B4GALNT2: variants seen among roughly 807,000 people sequenced by gnomAD.
The protein encoded by B4GALNT2 is beta-1,4-N-acetyl-galactosaminyltransferase 2 (SID blood group).
Under a neutral mutation model 51.1 loss-of-function variants are expected in B4GALNT2, and 42 were observed. That is an observed-to-expected ratio of 0.82 (90% CI 0.64 to 1.06). The LOEUF (loss-of-function observed/expected upper bound fraction) is 1.06. Among genes scored for constraint, B4GALNT2 ranks in the 50% least tolerant of loss-of-function variants. The pLI is 0.00. For missense variants in B4GALNT2, 602 were observed against 633.6 expected, an observed-to-expected ratio of 0.95 and a Z score of 0.54; for synonymous variants, 253 against 251.7, an observed-to-expected ratio of 1.01 and a Z score of -0.05.
chr17:49,125,771 T>A, the B4GALNT2 span, among the ~76,000 whole-genome samples: 4 of 70,196 alleles, frequency 5.7e-5, no homozygotes, highest in African/African-American at 1.0e-4. Context: ...CCCCCGCCCG[T>A]CCGGCCGCCC....
chr17:49,169,653 G>A lies in B4GALNT2; in HGVS notation c.1446G>A (p.Arg482=), dbSNP rs1017795275. 6.2e-7 allele frequency: 1 copy of A among 1,611,244 alleles called. No homozygotes were observed. Among genetic ancestry groups the A allele is most frequent in the South Asian group, 1.1e-5 (1 of 90,842 alleles). The change falls in exon 11 of 11, where the codon CGG becomes CGA. Residue 482 remains arginine, a synonymous_variant. Transcript: ENST00000393354. The part of the protein sequence containing the change: ...AALEKTYNTY[R]SNTLTRVQFK... Reference sequence around the variant, plus strand: ...TAGAGAAGACCTACAATACATACCGGTCCAACACCCTCACCCGGGTCCAGT... The same window carrying A: ...TAGAGAAGACCTACAATACATACCGATCCAACACCCTCACCCGGGTCCAGT...
In B4GALNT2 at chr17:49,164,942, GCTGGGA is replaced by G. The variant is rs1172169892; in HGVS notation, c.954+670_954+675del. On this transcript the variant is annotated intron_variant, in intron 8 of 10. Coordinates refer to ENST00000393354, the MANE Select transcript of B4GALNT2 (RefSeq NM_001159387.2). ...TTCTCTCACCTCTGCCTCCCTAGTA[GCTGGGA>G]CTACAGGCATGCACCATAATGCCAG... Among the ~76,000 whole-genome samples the G allele has an allele frequency of 5.9e-5, 9 of 152,176 alleles. No homozygotes were observed. In the South Asian group the frequency reaches 1.2e-3, roughly 21 times the overall value.
rs150487031 is a variant in B4GALNT2, at chr17:49,167,414, G to C, written c.1095+1160G>C. Reference sequence around the variant, plus strand: ...ACAGTGAAACGTTGCTGCAAGGGAGGTGGGGAAATGCAATCTTTTTTTTCT... The same window carrying C: ...ACAGTGAAACGTTGCTGCAAGGGAGCTGGGGAAATGCAATCTTTTTTTTCT... On this transcript the variant is annotated intron_variant, in intron 9 of 10. Coordinates refer to ENST00000393354, the MANE Select transcript of B4GALNT2 (RefSeq NM_001159387.2). Among the ~76,000 whole-genome samples, 546 of 152,302 alleles carry C rather than the reference G, an allele frequency of 3.6e-3. 2 individuals are homozygous for C. Among genetic ancestry groups the C allele is most frequent in the Non-Finnish European group, 5.7e-3 (386 of 68,034 alleles).
the B4GALNT2 span, among the ~76,000 whole-genome samples, chr17:49,120,714 C>T: frequency 7.2e-5 from 11 of 151,860 alleles, no homozygotes; most frequent in African/African-American, 1.9e-4. Context: ...TTCTCCATGT[C>T]GGCCAGGCTG....
chr17:49,150,937 A>T (rs912474938), intron 3 of B4GALNT2, among the ~76,000 whole-genome samples: 25 of 152,118 alleles, frequency 1.6e-4, no homozygotes, highest in East Asian at 3.9e-4. Context: ...ATAATAATAA[A>T]AAATAAAAAT....
the B4GALNT2 span, among the ~76,000 whole-genome samples, chr17:49,126,509 AAAAC>A: frequency 2.6e-5 from 4 of 151,024 alleles, no homozygotes; most frequent in Non-Finnish European, 5.9e-5. Context: ...AAAAAAAAAA[AAAAC>A]AAACTCCGTG....
upstream of B4GALNT2, among the ~76,000 whole-genome samples, chr17:49,128,449 G>A (rs1365713371): frequency 2.6e-5 from 4 of 152,162 alleles, no homozygotes; most frequent in Non-Finnish European, 5.9e-5. Context: ...GGGTCAAAAG[G>A]AGTTTTGGAG....
intron 5 of B4GALNT2, among the ~76,000 whole-genome samples, chr17:49,157,363 T>C (rs2042820658): frequency 6.6e-6 from 1 of 151,124 alleles, no homozygotes; most frequent in African/African-American, 2.4e-5. Context: ...CTCTGTCACC[T>C]AGCCTGGAGT....
chr17:49,133,361 C>A (rs2042559042), intron 1 of B4GALNT2: 1 of 917,226 alleles, frequency 1.1e-6, no homozygotes, highest in Non-Finnish European at 1.5e-6. Flanking sequence ...GAGTGAGCTG[C>A]GGTTGTGTGG....
At position 49,159,040 on chromosome 17, in the gene B4GALNT2, A is replaced by G; in HGVS notation, c.502A>G (p.Thr168Ala). The stretch of plus-strand genomic sequence containing the variant: ...CATTCTACCTCACCCACCCTAGGTC[A>G]CCCTGACAGCTTCTCTGGGGACACT... ...EGPDAPVYEV[T>A]LTASLGTLNT... The change falls in exon 6 of 11, where the codon ACC (threonine) becomes GCC (alanine). Residue 168 changes from threonine (T) to alanine (A), a missense_variant. Coordinates refer to ENST00000393354, the MANE Select transcript of B4GALNT2 (RefSeq NM_001159387.2). The G allele has an allele frequency of 6.2e-7, 1 of 1,613,920 alleles. No homozygotes were observed. Among genetic ancestry groups the G allele is most frequent in the Non-Finnish European group, 8.5e-7 (1 of 1,179,898 alleles).
the B4GALNT2 span, among the ~76,000 whole-genome samples, chr17:49,126,885 G>C: frequency 6.6e-6 from 1 of 152,120 alleles, no homozygotes; most frequent in Non-Finnish European, 1.5e-5. Context: ...TGTGTTTTCA[G>C]TAGAGACAGA....
intron 1 of B4GALNT2, 138 bp from the exon 2 acceptor site, chr17:49,141,109 G>A (rs2042639718): frequency 1.4e-6 from 1 of 740,698 alleles, no homozygotes; most frequent in Admixed American, 2.3e-5. Flanking sequence ...TTCCTCCTCT[G>A]TTTATCAGAA....
rs914792586 is a variant in B4GALNT2, at chr17:49,160,746, A to C, written c.766+105A>C. The C allele has an allele frequency of 2.8e-6, 3 of 1,072,238 alleles. No homozygotes were observed. The Admixed American group carries it at 5.4e-5, about 19-fold the overall frequency. The allele number at this position is 1,072,238 out of a possible 1,614,324, so 66.4% of individuals were successfully genotyped here. A position where few individuals can be genotyped will look rare whatever the true frequency, so the allele number is the denominator to read the frequency against. On this transcript the variant is annotated intron_variant, in intron 7 of 10. Coordinates refer to ENST00000393354, the MANE Select transcript of B4GALNT2 (RefSeq NM_001159387.2). ...ACGGAGGAGAATTGATCAAAATGAC[A>C]GCTCTGATATGCTCCCTGACAAGCT...
chr17:49,139,063 T>C (rs1436903870), intron 1 of B4GALNT2, among the ~76,000 whole-genome samples: 2 of 152,312 alleles, frequency 1.3e-5, no homozygotes, highest in Non-Finnish European at 1.5e-5. Flanking sequence ...AGGTACCCTA[T>C]TAAAATCTTA....
At chr17:49,150,198 G>C (rs1350101702) in intron 3 of B4GALNT2, among the ~76,000 whole-genome samples, 1 of 126,926 alleles carries the variant, frequency 7.9e-6, no homozygotes, top group African/African-American at 3.1e-5. Context: ...GGAGGGAGGT[G>C]GGGGGGTCAG....
chr17:49,140,095 G>C (rs1458170270), intron 1 of B4GALNT2, among the ~76,000 whole-genome samples: 2 of 149,830 alleles, frequency 1.3e-5, no homozygotes, highest in Admixed American at 1.3e-4. Flanking sequence ...AAGCAAAACA[G>C]GATTTTCTTT....
In B4GALNT2 at chr17:49,174,481, A is replaced by G. The variant is rs371299101; in HGVS notation, c.*4753A>G. ...AGTCTTTTAAATCTATGACTATTAAAGGCCAATTCTTTGGAATCATAGCAG... is the reference window on the plus strand; with the variant it reads ...AGTCTTTTAAATCTATGACTATTAAGGGCCAATTCTTTGGAATCATAGCAG... On this transcript the variant is annotated 3_prime_UTR_variant, in exon 11 of 11. Coordinates refer to ENST00000393354, the MANE Select transcript of B4GALNT2 (RefSeq NM_001159387.2). 7 of 152,366 alleles carry G rather than the reference A, an allele frequency of 4.6e-5. No individual in the cohort carries two copies. In the South Asian group the frequency reaches 8.3e-4, roughly 18 times the overall value. 9.4% of individuals were successfully genotyped at this position (152,366 alleles called of 1,614,324 possible).
intron 9 of B4GALNT2, among the ~76,000 whole-genome samples, chr17:49,167,876 C>A: frequency 6.6e-6 from 1 of 152,176 alleles, no homozygotes; most frequent in East Asian, 1.9e-4. Context: ...TCCCAAAGTG[C>A]TGGGATTACT....
chr17:49,144,466 T>C (rs2042673992), intron 3 of B4GALNT2, among the ~76,000 whole-genome samples: 1 of 152,176 alleles, frequency 6.6e-6, no homozygotes, highest in Non-Finnish European at 1.5e-5. Context: ...CACCTAGCTA[T>C]GTGAGGAGCA....
Sources: allele counts gnomAD v4.1 joint callset (sites outside exome capture counted in the v4.1 genomes callset), GRCh38; gene constraint gnomAD v4.1.1; transcripts MANE v1.5; gene names NCBI Gene and HGNC (gene_info 2026-07-23, HGNC 2026-07-21).